The following CNNM2 variants were observed in gnomAD, a reference collection of about 807,000 sequenced individuals.
CNNM2 encodes metal transporter CNNM2.
In CNNM2, 12 loss-of-function variants were observed where a neutral mutation model predicts 66.9. That is an observed-to-expected ratio of 0.18 (90% confidence interval 0.11 to 0.29). CNNM2 has a LOEUF of 0.29. Among genes scored for constraint, CNNM2 ranks in the 10% least tolerant of loss-of-function variants. The pLI is 1.00. For synonymous variants in CNNM2, 557 were observed against 501.8 expected (o/e 1.11, Z -1.47); for missense variants, 705 against 1,167.7 (o/e 0.60, Z 5.77).
At chr10:103,007,549 C>T (rs2064251332) in intron 1 of CNNM2, among the ~76,000 whole-genome samples, 1 of 152,132 alleles carries the variant, frequency 6.6e-6, no homozygotes, top group Non-Finnish European at 1.5e-5. Context: ...TTCCCAGGGT[C>T]TTAATTATTA....
chr10:102,997,695 A>G (rs2064029636), intron 1 of CNNM2, among the ~76,000 whole-genome samples: 1 of 152,212 alleles, frequency 6.6e-6, no homozygotes, highest in South Asian at 2.1e-4. Context: ...AGTTACCATT[A>G]TAAGGTCCCA....
intron 1 of CNNM2, among the ~76,000 whole-genome samples, chr10:103,026,540 G>T (rs938463489): frequency 6.9e-6 from 1 of 144,102 alleles, no homozygotes; most frequent in Non-Finnish European, 1.5e-5. Context: ...GGTCAAGGTT[G>T]CAGTGAGCTG....
chr10:102,979,788 CTTAATT>C (rs1057051886), intron 1 of CNNM2, among the ~76,000 whole-genome samples: 2 of 42,568 alleles, frequency 4.7e-5, no homozygotes, highest in Non-Finnish European at 8.3e-5. Context: ...ATAAAAATTA[CTTAATT>C]TTAATTTTTA....
chr10:102,992,671 A>G lies in CNNM2; in HGVS notation c.1622-57036A>G, dbSNP rs182624866. On this transcript the variant is annotated intron_variant, in intron 1 of 7. Transcript: ENST00000369878. ...AGGTTGACCTTTGTGCAGTCTACCT[A>G]CTTGTGAATGGGAATGTGATTCCAT... Among the ~76,000 whole-genome samples the G allele has an allele frequency of 2.3e-4, 35 of 152,222 alleles. 1 individual carries two copies. In the East Asian group the frequency reaches 6.2e-3, roughly 27 times the overall value.
intron 1 of CNNM2, among the ~76,000 whole-genome samples, chr10:103,018,085 A>T (rs950357567): frequency 2.0e-5 from 3 of 152,002 alleles, no homozygotes; most frequent in Non-Finnish European, 4.4e-5. Flanking sequence ...GGAGTGGCAG[A>T]ATCTTACCCT....
intron 1 of CNNM2, among the ~76,000 whole-genome samples, chr10:102,966,998 TG>T (rs2063473956): frequency 6.6e-6 from 1 of 152,170 alleles, no homozygotes; most frequent in African/African-American, 2.4e-5. Context: ...TGGGGCTACC[TG>T]GGGTCTGGTG....
rs2134402779 is a variant in CNNM2 at position 103,088,252 on chromosome 10, AAGAGTCTAT to A, written c.*11074_*11082del. 6.6e-6 allele frequency: 1 copy of A among 152,370 alleles called. No individual in the cohort carries two copies. Among genetic ancestry groups the A allele is most frequent in the African/African-American group, 2.4e-5 (1 of 41,586 alleles). The allele number at this position is 152,370 out of a possible 1,614,324, so 9.4% of individuals were successfully genotyped here. The stretch of plus-strand genomic sequence containing the variant: ...GAAGAAAATATACAATGGTTAAAGA[AAGAGTCTAT>A]AACCACTGTTTGTTTAAAATGTTGA... On this transcript the variant is annotated 3_prime_UTR_variant, in exon 8 of 8. Transcript: ENST00000369878.
chr10:102,952,547 G>A (rs1458316618), intron 1 of CNNM2, among the ~76,000 whole-genome samples: 1 of 151,016 alleles, frequency 6.6e-6, no homozygotes, highest in African/African-American at 2.4e-5. Flanking sequence ...CTGGGTGACA[G>A]AGTGAGACTC....
intron 1 of CNNM2, among the ~76,000 whole-genome samples, chr10:103,029,440 G>C (rs2064778834): frequency 6.6e-6 from 1 of 151,962 alleles, no homozygotes; most frequent in Non-Finnish European, 1.5e-5. Flanking sequence ...CTCCAGCCTG[G>C]GTGACAGAGC....
intron 1 of CNNM2, among the ~76,000 whole-genome samples, chr10:102,930,407 G>GA (rs1168696837): frequency 1.3e-5 from 2 of 152,102 alleles, no homozygotes; most frequent in Non-Finnish European, 2.9e-5. Flanking sequence ...GATATACCTG[G>GA]AAAAAATTCA....
Position 102,919,734 on chromosome 10 carries a change from C to G in CNNM2, c.1254C>G (p.Leu418=), listed in dbSNP as rs145459414. Residue 418 remains leucine (L), a synonymous_variant, in exon 1 of 8, where the codon CTC becomes CTG. Transcript: ENST00000369878. ...VYNREKLLEM[L]RVTDPYNDLV... ...ACCGGGAAAAACTGCTGGAGATGCT[C>G]CGGGTCACCGATCCCTACAACGACC... 1.2e-6 allele frequency: 2 copies of G among 1,614,222 alleles called. No individual in the cohort carries two copies. Among genetic ancestry groups the G allele is most frequent in the Non-Finnish European group, 1.7e-6 (2 of 1,180,046 alleles).
intron 1 of CNNM2, among the ~76,000 whole-genome samples, chr10:103,048,634 A>G (rs1177244959): frequency 1.4e-5 from 2 of 146,876 alleles, no homozygotes; most frequent in East Asian, 1.9e-4. Flanking sequence ...ACCCAAGTCT[A>G]TATAACCATA....
At chr10:103,025,893 T>A (rs2064691996) in intron 1 of CNNM2, among the ~76,000 whole-genome samples, 1 of 152,210 alleles carries the variant, frequency 6.6e-6, no homozygotes. Context: ...TCTCACAAAG[T>A]TCATGTGGCG....
intron 1 of CNNM2, among the ~76,000 whole-genome samples, chr10:103,033,787 T>C (rs2064876197): frequency 6.6e-6 from 1 of 152,164 alleles, no homozygotes; most frequent in Non-Finnish European, 1.5e-5. Context: ...GCCCAGCCCT[T>C]CTACACATTT....
chr10:102,986,548 C>T (rs892687512), intron 1 of CNNM2, among the ~76,000 whole-genome samples: 10 of 151,880 alleles, frequency 6.6e-5, no homozygotes, highest in East Asian at 5.8e-4. Flanking sequence ...TTTGGGAGGC[C>T]GAGGTGGGCG....
At chr10:102,929,445 T>A (rs1308999617) in intron 1 of CNNM2, among the ~76,000 whole-genome samples, 21 of 148,404 alleles carry the variant, frequency 1.4e-4, no homozygotes, top group African/African-American at 3.5e-4. Context: ...CATGTCTTTT[T>A]TAAAAAAAAA....
intron 1 of CNNM2, among the ~76,000 whole-genome samples, chr10:102,987,867 GATA>G (rs1430589065): frequency 2.0e-5 from 3 of 152,144 alleles, no homozygotes; most frequent in African/African-American, 4.8e-5. Flanking sequence ...AGGTTCCAAA[GATA>G]ATGAGACCAG....
At chr10:103,069,727 C>T (rs561029670) in intron 5 of CNNM2, among the ~76,000 whole-genome samples, 2 of 152,338 alleles carry the variant, frequency 1.3e-5, no homozygotes, top group South Asian at 2.1e-4. Flanking sequence ...CTTGGCAGAG[C>T]GCACACGCTT....
intron 2 of CNNM2, 104 bp downstream of exon 2, chr10:103,049,954 G>GAC: frequency 8.9e-7 from 1 of 1,122,854 alleles, no homozygotes; most frequent in Non-Finnish European, 1.3e-6. Context: ...TGTTTATAAT[G>GAC]ACACATGATG....
Sources: allele counts gnomAD v4.1 joint callset (sites outside exome capture counted in the v4.1 genomes callset), GRCh38; gene constraint gnomAD v4.1.1; transcripts MANE v1.5; gene names NCBI Gene and HGNC (gene_info 2026-07-23, HGNC 2026-07-21).